COL27A1: variants seen among roughly 807,000 people sequenced by gnomAD.
COL27A1 encodes collagen type XXVII alpha 1 chain.
COL27A1 carries 106 observed loss-of-function variants against 251.3 expected under a neutral mutation model. That is an observed-to-expected ratio of 0.42 (90% CI 0.36 to 0.50). The LOEUF (loss-of-function observed/expected upper bound fraction) is 0.50, where lower values mean the gene tolerates loss of function less well. COL27A1 is among the 20% of genes least tolerant of loss of function. The pLI is 0.00. For missense variants in COL27A1, 2,325 were observed against 2,522.8 expected (o/e 0.92, Z 1.68); for synonymous variants, 1,000 against 986.3 (o/e 1.01, Z -0.26).
intron 10 of COL27A1, 42 bp downstream of exon 10, chr9:114,206,338 G>A (rs761019299): frequency 6.2e-7 from 1 of 1,604,136 alleles, no homozygotes. Context: ...GGGGTTCTAG[G>A]TGAGCATCAC....
At chr9:114,221,501 A>T (rs1033393007) in intron 13 of COL27A1, among the ~76,000 whole-genome samples, 1 of 152,180 alleles carries the variant, frequency 6.6e-6, no homozygotes, top group Non-Finnish European at 1.5e-5. Context: ...CTCATTGCTA[A>T]TTACAATGTC....
At position 114,288,655 on chromosome 9, in the gene COL27A1, C is replaced by T. The variant is rs551893843; in HGVS notation, c.4045-47C>T. 1.1e-5 allele frequency: 17 copies of T among 1,592,630 alleles called. No homozygotes were observed. In the East Asian group the frequency reaches 3.4e-4, roughly 32 times the overall value. ...GGCCAACAGGGCCCAGGGCTGGCAT[C>T]CTTGGCACCTGGTGGCCCAAATTTT... On this transcript the variant is annotated intron_variant, in intron 42 of 60. Coordinates refer to ENST00000356083, the MANE Select transcript of COL27A1 (RefSeq NM_032888.4).
In COL27A1 at chr9:114,290,110, A is replaced by C. The variant is rs1827799883; in HGVS notation, c.4259A>C (p.Gln1420Pro). ...GGGGCCCCAGGCCGGAGGGGGGTCC[A>C]GGTGAGTGACTACAGCTGCTGTTTC... ...KAGAPGRRGV[Q>P]GLQGLPGPRG... The change falls in exon 46 of 61, where the codon CAG becomes CCG. Residue 1420 changes from glutamine to proline, a missense_variant and splice_region_variant. Physicochemically the swap from Gln to Pro is moderately conservative, Grantham distance 76. This residue lies in a region of COL27A1 where 662 missense variants were observed against 795.3 expected (regional missense o/e 0.83). Coordinates refer to ENST00000356083, the MANE Select transcript of COL27A1 (RefSeq NM_032888.4). The surrounding 1 kb of genome is among the most constrained non-coding windows in gnomAD (Gnocchi z 4.6). 6.2e-7 allele frequency: 1 copy of C among 1,611,620 alleles called. No homozygotes were observed. The highest frequency in any genetic ancestry group is 1.1e-5 in the South Asian group (1 of 91,036).
intron 16 of COL27A1, 47 bp from the exon 17 acceptor site, chr9:114,235,552 A>G (rs758991528): frequency 6.6e-7 from 1 of 1,505,860 alleles, no homozygotes; most frequent in South Asian, 1.1e-5. Context: ...AGGCTTCCAG[A>G]ACCCACGTGG....
chr9:114,205,855 T>C (rs1334268107), intron 9 of COL27A1, 43 bp downstream of exon 9: 1 of 1,569,912 alleles, frequency 6.4e-7, no homozygotes, highest in Admixed American at 1.8e-5. Flanking sequence ...CATGGTGATG[T>C]GAAGATGGCC....
In COL27A1 at chr9:114,264,767, C is replaced by T. The variant is rs570128507; in HGVS notation, c.3250-157C>T. 5.9e-5 allele frequency among the ~76,000 whole-genome samples: 9 copies of T among 152,320 alleles called. No homozygotes were observed. The South Asian group carries it at 1.0e-3, about 18-fold the overall frequency. ...CTGGTGACGGTGGCGAGCCACTCCC[C>T]TTGTCAGGCCTTAGTTTTCCCATCT... On this transcript the variant is annotated intron_variant, in intron 29 of 60. Coordinates refer to ENST00000356083, the MANE Select transcript of COL27A1 (RefSeq NM_032888.4).
intron 14 of COL27A1, among the ~76,000 whole-genome samples, chr9:114,226,111 G>C (rs529427363): frequency 6.6e-6 from 1 of 152,238 alleles, no homozygotes; most frequent in East Asian, 1.9e-4. Flanking sequence ...GCTCAACAAA[G>C]ACGATTTCTG....
At chr9:114,205,190 T>C (rs1402908701) in intron 8 of COL27A1, 44 bp downstream of exon 8, 3 of 1,570,954 alleles carry the variant, frequency 1.9e-6, no homozygotes, top group African/African-American at 1.4e-5. Flanking sequence ...CTCTCCCTCC[T>C]CCCAGCCCCT....
intron 10 of COL27A1, chr9:114,209,300 G>A: frequency 2.2e-6 from 1 of 447,378 alleles, no homozygotes; most frequent in Admixed American, 2.6e-5. Context: ...AGGAGCCACG[G>A]GCACCTACCA....
intron 56 of COL27A1, 109 bp from the exon 57 acceptor site, chr9:114,304,499 T>A (rs1378748693): frequency 4.2e-6 from 4 of 957,518 alleles, no homozygotes; most frequent in Non-Finnish European, 5.1e-6. Context: ...GCAGAGGGCA[T>A]ATGACTTGGC....
At chr9:114,230,341 G>C (rs887969983) in intron 14 of COL27A1, among the ~76,000 whole-genome samples, 4 of 152,114 alleles carry the variant, frequency 2.6e-5, no homozygotes, top group African/African-American at 9.6e-5. Flanking sequence ...AGCCTTCCTT[G>C]CAGAGGAAGG....
chr9:114,168,267 C>A lies in COL27A1; in HGVS notation c.712C>A (p.Gln238Lys). The A allele has an allele frequency of 6.2e-7, 1 of 1,613,874 alleles. No homozygotes were observed. The change falls in exon 3 of 61, where the codon CAG becomes AAG. Residue 238 changes from glutamine (Q) to lysine (K), a missense_variant. Gln to Lys is a moderately conservative substitution (Grantham distance 53). Around this residue, in one of 4 missense-constraint regions of COL27A1, gnomAD observed 1,183 missense variants for 1,144.1 expected, o/e 1.03. Transcript: ENST00000356083. ...TACCCACCTGAGGAAGCAGTGTGGA[C>A]AGGCTGACACGTACCAGTCCCCACT... ...YCTHLRKQCG[Q>K]ADTYQSPLGP... is the part of the protein sequence containing the mutation.
At chr9:114,248,741 C>T (rs1020194409) in intron 24 of COL27A1, among the ~76,000 whole-genome samples, 1 of 152,140 alleles carries the variant, frequency 6.6e-6, no homozygotes, top group Non-Finnish European at 1.5e-5. Context: ...TCATTAGGAT[C>T]TTGTTTGGTT....
intron 36 of COL27A1, chr9:114,273,890 G>A (rs928286879): frequency 2.0e-5 from 3 of 152,170 alleles, no homozygotes; most frequent in Admixed American, 6.5e-5. Flanking sequence ...AGTACGCAAA[G>A]ATTACCGTGA....
At chr9:114,192,772 T>C (rs1017976656) in intron 5 of COL27A1, among the ~76,000 whole-genome samples, 1 of 152,140 alleles carries the variant, frequency 6.6e-6, no homozygotes, top group African/African-American at 2.4e-5. Context: ...TGTCTGCACA[T>C]AGTAGGTGAG....
Position 114,167,826 on chromosome 9 carries a change from C to A in COL27A1, c.271C>A (p.Pro91Thr), listed in dbSNP as rs763774486. ...CCAGGCTCCCACGGGCACCGTCATT[C>A]CTGCCGCCTTGGGCACAGAGCTGGC... Reference protein sequence around the residue: ...RLQAPTGTVIPAALGTELALV... With the variant: ...RLQAPTGTVITAALGTELALV... Residue 91 changes from proline to threonine, a missense_variant, in exon 3 of 61, where the codon CCT (proline) becomes ACT (threonine). Transcript: ENST00000356083. 1 of 1,613,418 alleles carries A rather than the reference C, an allele frequency of 6.2e-7. No individual in the cohort carries two copies.
At chr9:114,287,480 AC>A (rs1297775529) in intron 41 of COL27A1, among the ~76,000 whole-genome samples, 2 of 151,462 alleles carry the variant, frequency 1.3e-5, no homozygotes, top group Non-Finnish European at 2.9e-5. Flanking sequence ...TGGCATAAGG[AC>A]CTCACCTCTA....
intron 21 of COL27A1, among the ~76,000 whole-genome samples, chr9:114,241,158 G>A (rs1292025405): frequency 1.3e-5 from 2 of 152,242 alleles, no homozygotes; most frequent in Non-Finnish European, 2.9e-5. Flanking sequence ...AGCACCAGGT[G>A]GGCACTTAAT....
intron 22 of COL27A1, among the ~76,000 whole-genome samples, chr9:114,243,123 TG>T (rs1832873243): frequency 6.6e-6 from 1 of 152,246 alleles, no homozygotes; most frequent in Non-Finnish European, 1.5e-5. Flanking sequence ...CTGAACCTTC[TG>T]AAAGGGCCTC....
Sources: allele counts gnomAD v4.1 joint callset (sites outside exome capture counted in the v4.1 genomes callset), GRCh38; gene constraint gnomAD v4.1.1; regional missense constraint gnomAD v4.1.1; non-coding constraint Gnocchi (gnomAD v3.1); transcripts MANE v1.5; gene names NCBI Gene and HGNC (gene_info 2026-07-23, HGNC 2026-07-21).